Variants in MINPP1 observed in about 807,000 individuals in gnomAD.
MINPP1 encodes the protein multiple inositol-polyphosphate phosphatase 1.
Under a neutral mutation model 46.1 loss-of-function variants are expected in MINPP1, and 28 were observed. The ratio of observed to expected loss-of-function variants is 0.61; its 90% CI spans 0.45 to 0.83. MINPP1 has a LOEUF of 0.83. MINPP1 is among the 40% of genes least tolerant of loss of function. MINPP1 has a pLI of 0.00. For synonymous variants in MINPP1, 268 were observed against 249.1 expected, an observed-to-expected ratio of 1.08 and a Z score of -0.72; for missense variants, 603 against 610.0, an observed-to-expected ratio of 0.99 and a Z score of 0.12.
Position 87,504,907 on chromosome 10 carries a change from G to T in MINPP1, c.-9G>T. The T allele has an allele frequency of 1.2e-6, 2 of 1,609,220 alleles. No individual in the cohort carries two copies. Among genetic ancestry groups the T allele is most frequent in the Non-Finnish European group, 1.7e-6 (2 of 1,178,980 alleles). The stretch of plus-strand genomic sequence containing the variant: ...GCTGGCTCGGCGCACTCCACTGACC[G>T]TCCCGACGATGCTACGCGCGCCCGG... On this transcript the variant is annotated 5_prime_UTR_variant, in exon 1 of 5. Transcript: ENST00000371996.
chr10:87,518,745 G>C (rs1328272325), intron 3 of MINPP1, among the ~76,000 whole-genome samples: 1 of 152,200 alleles, frequency 6.6e-6, no homozygotes, highest in Non-Finnish European at 1.5e-5. Flanking sequence ...ATTTGCTGTA[G>C]CAGCTCACAG....
chr10:87,523,314 A>C (rs892822309), intron 4 of MINPP1, among the ~76,000 whole-genome samples: 1 of 151,684 alleles, frequency 6.6e-6, no homozygotes, highest in African/African-American at 2.4e-5. Context: ...TATGACATTT[A>C]TTTCTTAAAT....
At position 87,521,018 on chromosome 10, in the gene MINPP1, AT is replaced by A; in HGVS notation, c.934-13del. ...TATTTTTGAAAATATATTAGAAATT[AT>A]TTTTGAATTTTTTTAGGTATTAGAA... On this transcript the variant is annotated splice_polypyrimidine_tract_variant and intron_variant, in intron 3 of 4. Transcript: ENST00000371996. The A allele has an allele frequency of 1.1e-6, 1 of 872,504 alleles. No individual in the cohort carries two copies. The highest frequency in any genetic ancestry group is 1.9e-6 in the Non-Finnish European group (1 of 539,978). 54.0% of individuals were successfully genotyped at this position (872,504 alleles called of 1,614,324 possible). A position where few individuals can be genotyped will look rare whatever the true frequency, so the allele number is the denominator to read the frequency against.
intron 4 of MINPP1, among the ~76,000 whole-genome samples, chr10:87,551,438 C>T (rs1162091513): frequency 1.3e-5 from 2 of 151,876 alleles, no homozygotes; most frequent in Non-Finnish European, 2.9e-5. Flanking sequence ...TAGAAAACTT[C>T]AAGAAAAAGA....
chr10:87,538,009 T>G (rs1306239349), intron 4 of MINPP1, among the ~76,000 whole-genome samples: 1 of 152,104 alleles, frequency 6.6e-6, no homozygotes, highest in Non-Finnish European at 1.5e-5. Flanking sequence ...CTCACTGTGT[T>G]GCCCAGGCTG....
At chr10:87,512,775 A>T (rs1030521587) in intron 2 of MINPP1, among the ~76,000 whole-genome samples, 15 of 152,126 alleles carry the variant, frequency 9.9e-5, no homozygotes, top group African/African-American at 3.6e-4. Context: ...CCGAGTTTGC[A>T]GTGAGCTGTG....
chr10:87,531,957 A>T (rs1851666236), intron 4 of MINPP1, among the ~76,000 whole-genome samples: 1 of 152,200 alleles, frequency 6.6e-6, no homozygotes, highest in Non-Finnish European at 1.5e-5. Flanking sequence ...GACTCATGGA[A>T]TTGTGATAAT....
At chr10:87,526,173 C>G (rs1851573808) in intron 4 of MINPP1, among the ~76,000 whole-genome samples, 1 of 152,286 alleles carries the variant, frequency 6.6e-6, no homozygotes, top group African/African-American at 2.4e-5. Context: ...GTCCAACCAA[C>G]AGTGTAAAAG....
At chr10:87,509,791 AT>A (rs1252496763) in intron 2 of MINPP1, 8 of 269,944 alleles carry the variant, frequency 3.0e-5, no homozygotes, top group African/African-American at 2.2e-5. Flanking sequence ...TTTGTTTTTG[AT>A]GTAATGTTTG....
chr10:87,521,063 C>A lies in MINPP1; in HGVS notation c.961C>A (p.Gln321Lys). 1 of 1,254,950 alleles carries A rather than the reference C, an allele frequency of 8.0e-7. No individual in the cohort carries two copies. The highest frequency in any genetic ancestry group is 1.3e-5 in the South Asian group (1 of 79,674). 77.7% of individuals were successfully genotyped at this position (1,254,950 alleles called of 1,614,324 possible). ...KVLEYLNDLK[Q>K]YWKRGYGYTI... ...ATTAGAATATTTAAATGATCTGAAA[C>A]AATATTGGAAAAGAGGATATGGGTA... The change falls in exon 4 of 5, where the codon CAA becomes AAA. Residue 321 changes from glutamine to lysine, a missense_variant. By Grantham distance (53) the Gln-to-Lys change is moderately conservative. Transcript: ENST00000371996.
intron 4 of MINPP1, among the ~76,000 whole-genome samples, chr10:87,544,252 C>T (rs867498925): frequency 5.3e-4 from 81 of 152,282 alleles, no homozygotes; most frequent in African/African-American, 1.9e-3. Context: ...TAAAATATTA[C>T]AGAGGATACA....
At chr10:87,546,075 A>G (rs1851882330) in intron 4 of MINPP1, among the ~76,000 whole-genome samples, 2 of 152,206 alleles carry the variant, frequency 1.3e-5, no homozygotes, top group African/African-American at 4.8e-5. Context: ...GTAAAGGAAT[A>G]AAAGGGAGGC....
chr10:87,522,059 A>G (rs575411131), intron 4 of MINPP1, among the ~76,000 whole-genome samples: 30 of 152,178 alleles, frequency 2.0e-4, no homozygotes, highest in Admixed American at 3.9e-4. Flanking sequence ...AGCTGTATAC[A>G]TTTGTTAAGA....
Position 87,513,169 on chromosome 10 carries a change from T to C in MINPP1, c.881T>C (p.Ile294Thr), listed in dbSNP as rs756640525. ...TTCACCTGTTCATTTGACCTGGCAA[T>C]TAAAGGTGTTAAATCTCCTTGGTGT... ...AFFTCSFDLAIKGVKSPWCDV... is the reference protein window; with the variant it reads ...AFFTCSFDLATKGVKSPWCDV... Residue 294 changes from isoleucine to threonine, a missense_variant, in exon 3 of 5, where the codon ATT becomes ACT. Physicochemically the swap from Ile to Thr is moderately conservative, Grantham distance 89 (BLOSUM62 -1). Around this residue, in one of 3 missense-constraint regions of MINPP1, gnomAD observed 344 missense variants for 381.1 expected, o/e 0.90. Transcript: ENST00000371996. The C allele has an allele frequency of 6.8e-6, 11 of 1,613,852 alleles. No homozygotes were observed. Among genetic ancestry groups the C allele is most frequent in the Non-Finnish European group, 9.3e-6 (11 of 1,179,824 alleles).
chr10:87,516,763 T>C lies in MINPP1; in HGVS notation c.933+3542T>C, dbSNP rs567312045. Among the ~76,000 whole-genome samples the C allele has an allele frequency of 2.5e-5, 3 of 121,894 alleles. 1 individual carries two copies. Among genetic ancestry groups the C allele is most frequent in the Non-Finnish European group, 5.9e-5 (3 of 51,052 alleles). 80.0% of individuals were successfully genotyped at this position (121,894 alleles called of 152,430 possible). A position where few individuals can be genotyped will look rare whatever the true frequency, so the allele number is the denominator to read the frequency against. On this transcript the variant is annotated intron_variant, in intron 3 of 4. Coordinates refer to ENST00000371996, the MANE Select transcript of MINPP1 (RefSeq NM_004897.5). ...TTATTTGCTGAATTAAGCAAATATA[T>C]CTTTTGATTTTAAAAAGTGTTTTCC...
At chr10:87,513,997 A>G (rs1851374402) in intron 3 of MINPP1, among the ~76,000 whole-genome samples, 1 of 152,126 alleles carries the variant, frequency 6.6e-6, no homozygotes, top group African/African-American at 2.4e-5. Flanking sequence ...GTACATCTCC[A>G]GCTCTAACTG....
At chr10:87,507,923 ACT>A in intron 1 of MINPP1, 1 of 1,231,692 alleles carries the variant, frequency 8.1e-7, no homozygotes, top group South Asian at 2.2e-5. Context: ...AAAATAAAAT[ACT>A]CTGTTTAGAC....
At chr10:87,517,834 G>A (rs545032532) in intron 3 of MINPP1, among the ~76,000 whole-genome samples, 3 of 150,002 alleles carry the variant, frequency 2.0e-5, no homozygotes, top group African/African-American at 4.9e-5. Context: ...GCTAATTTTT[G>A]TATTTTTAGT....
At chr10:87,543,134 G>C (rs887556140) in intron 4 of MINPP1, among the ~76,000 whole-genome samples, 1 of 152,144 alleles carries the variant, frequency 6.6e-6, no homozygotes, top group Non-Finnish European at 1.5e-5. Flanking sequence ...GTGTGCCCTA[G>C]GGATACCCTC....
Sources: allele counts gnomAD v4.1 joint callset (sites outside exome capture counted in the v4.1 genomes callset), GRCh38; gene constraint gnomAD v4.1.1; regional missense constraint gnomAD v4.1.1; transcripts MANE v1.5; gene names NCBI Gene and HGNC (gene_info 2026-07-23, HGNC 2026-07-21).